KCNQ3: variants seen among roughly 807,000 people sequenced by gnomAD.
The protein encoded by KCNQ3 is potassium voltage-gated channel subfamily Q member 3.
KCNQ3 carries 30 observed loss-of-function variants against 92.5 expected under a neutral mutation model. The ratio of observed to expected loss-of-function variants is 0.32; its 90% CI spans 0.24 to 0.44. The LOEUF is 0.44. Among genes scored for constraint, KCNQ3 ranks in the 20% least tolerant of loss-of-function variants. KCNQ3 has a pLI of 1.00. For synonymous variants in KCNQ3, 450 were observed against 468.8 expected (o/e 0.96, Z 0.52); for missense variants, 913 against 1,140.3 (o/e 0.80, Z 2.87).
At chr8:132,282,690 T>G (rs1816560994) in intron 1 of KCNQ3, among the ~76,000 whole-genome samples, 1 of 152,232 alleles carries the variant, frequency 6.6e-6, no homozygotes, top group African/African-American at 2.4e-5. Context: ...CAGACCAGCT[T>G]AGGCACAAAG....
chr8:132,309,980 T>C (rs1363858174), intron 1 of KCNQ3, among the ~76,000 whole-genome samples: 2 of 152,232 alleles, frequency 1.3e-5, no homozygotes, highest in African/African-American at 2.4e-5. Context: ...AACTTTCTTT[T>C]CCACTTCAAT....
intron 1 of KCNQ3, among the ~76,000 whole-genome samples, chr8:132,207,463 G>A (rs946825129): frequency 2.0e-5 from 3 of 152,144 alleles, no homozygotes; most frequent in Admixed American, 6.6e-5. Context: ...TAGGAAAAAC[G>A]GAAACTAGAA....
At chr8:132,412,137 G>A (rs778255057) in intron 1 of KCNQ3, among the ~76,000 whole-genome samples, 2 of 152,170 alleles carry the variant, frequency 1.3e-5, no homozygotes, top group African/African-American at 2.4e-5. Flanking sequence ...ATGCAGCAGG[G>A]CTCAGCCAAT....
chr8:132,289,421 A>G (rs778917061), intron 1 of KCNQ3, among the ~76,000 whole-genome samples: 2 of 152,192 alleles, frequency 1.3e-5, no homozygotes, highest in Non-Finnish European at 2.9e-5. Context: ...ATGGAAGTCT[A>G]GGGGAGAATC....
chr8:132,272,726 C>T (rs556232817), intron 1 of KCNQ3, among the ~76,000 whole-genome samples: 92 of 152,234 alleles, frequency 6.0e-4, no homozygotes, highest in African/African-American at 2.2e-3. Flanking sequence ...CAAAAACACC[C>T]GTCCCCATAA....
intron 1 of KCNQ3, among the ~76,000 whole-genome samples, chr8:132,333,529 G>A (rs905245095): frequency 1.4e-4 from 22 of 152,088 alleles, no homozygotes; most frequent in African/African-American, 4.1e-4. Context: ...ATACAAAGAA[G>A]AAAGAAAAAT....
At chr8:132,451,401 G>A (rs1004676555) in intron 1 of KCNQ3, among the ~76,000 whole-genome samples, 2 of 152,144 alleles carry the variant, frequency 1.3e-5, no homozygotes, top group Non-Finnish European at 2.9e-5. Flanking sequence ...ATCTCCTTTG[G>A]GAAGACTTTC....
At chr8:132,421,344 C>A (rs987659712) in intron 1 of KCNQ3, among the ~76,000 whole-genome samples, 1 of 152,132 alleles carries the variant, frequency 6.6e-6, no homozygotes, top group East Asian at 1.9e-4. Flanking sequence ...ACAAATTGTT[C>A]GATAAGAAGT....
intron 1 of KCNQ3, among the ~76,000 whole-genome samples, chr8:132,411,575 T>C (rs1820653377): frequency 1.3e-5 from 2 of 151,878 alleles, no homozygotes; most frequent in Admixed American, 6.6e-5. Context: ...GAAAGACCCA[T>C]GAGAGGAATC....
chr8:132,205,871 G>A (rs1201277549), intron 1 of KCNQ3, among the ~76,000 whole-genome samples: 1 of 152,122 alleles, frequency 6.6e-6, no homozygotes, highest in Non-Finnish European at 1.5e-5. Context: ...ATCTAGAACA[G>A]CTGTATTAAT....
intron 1 of KCNQ3, among the ~76,000 whole-genome samples, chr8:132,471,018 CTT>C (rs1303587454): frequency 6.6e-6 from 1 of 152,194 alleles, no homozygotes; most frequent in Non-Finnish European, 1.5e-5. Context: ...AGTTTGATAA[CTT>C]TTGTTCAGGT....
chr8:132,224,560 A>G (rs997697499), intron 1 of KCNQ3, among the ~76,000 whole-genome samples: 3 of 152,174 alleles, frequency 2.0e-5, no homozygotes, highest in African/African-American at 7.2e-5. Context: ...CAGCAGGAAC[A>G]TAATGTACTC....
intron 1 of KCNQ3, among the ~76,000 whole-genome samples, chr8:132,374,420 TC>T (rs1819556626): frequency 6.6e-6 from 1 of 152,058 alleles, no homozygotes; most frequent in African/African-American, 2.4e-5. Context: ...CCTCCTCCAC[TC>T]CCCGACCCAC....
chr8:132,379,848 T>C (rs1441498447), intron 1 of KCNQ3, among the ~76,000 whole-genome samples: 1 of 152,004 alleles, frequency 6.6e-6, no homozygotes, highest in Admixed American at 6.6e-5. Flanking sequence ...TATATACCCC[T>C]GATTTACTTT....
rs190026456 is a variant in KCNQ3 at position 132,230,784 on chromosome 8, T to A, written c.387-44603A>T. ...CTCCAGAACATTAGGTTGTCTCCCA[T>A]AGTGTCAATCCCTTCTGTCCAAAGA... is the stretch of plus-strand genomic sequence containing the variant. On this transcript the variant is annotated intron_variant, in intron 1 of 14. Transcript: ENST00000388996. Among the ~76,000 whole-genome samples the A allele has an allele frequency of 2.0e-5, 3 of 152,182 alleles. No individual in the cohort carries two copies. The South Asian group carries it at 6.2e-4, about 32-fold the overall frequency.
chr8:132,338,194 G>C (rs529218153), intron 1 of KCNQ3, among the ~76,000 whole-genome samples: 189 of 152,292 alleles, frequency 1.2e-3, no homozygotes, highest in Non-Finnish European at 1.8e-3. Flanking sequence ...GAGAGTATCA[G>C]CATGCCTAGG....
intron 1 of KCNQ3, among the ~76,000 whole-genome samples, chr8:132,207,946 C>T (rs1586829397): frequency 6.8e-6 from 1 of 146,126 alleles, no homozygotes; most frequent in African/African-American, 2.6e-5. Context: ...AAAAAAAGAA[C>T]GTGCATCACA....
chr8:132,177,572 C>T (rs1361713616), intron 4 of KCNQ3, among the ~76,000 whole-genome samples: 2 of 152,216 alleles, frequency 1.3e-5, no homozygotes, highest in East Asian at 1.9e-4. Context: ...ACATCGGATA[C>T]ACTGTAAGCC....
intron 9 of KCNQ3, among the ~76,000 whole-genome samples, chr8:132,144,057 G>C (rs1288467406): frequency 6.6e-6 from 1 of 152,190 alleles, no homozygotes; most frequent in Non-Finnish European, 1.5e-5. Flanking sequence ...AAGATAATGA[G>C]AGGACTCTCT....
Sources: gnomAD v4.1 joint callset for allele counts (sites outside exome capture counted in the v4.1 genomes callset) on GRCh38, gnomAD v4.1.1 for gene constraint, MANE v1.5 for transcripts, NCBI Gene and HGNC (gene_info 2026-07-23, HGNC 2026-07-21) for gene names.